Variants in RAD51B observed in about 807,000 individuals in gnomAD.
RAD51B encodes RAD51 paralog B, also known as DNA repair protein RAD51 homolog 2.
A neutral mutation model predicts 42.2 loss-of-function variants in RAD51B; 38 were observed. The observed-to-expected ratio is 0.90, with a 90% CI of 0.70 to 1.18. The LOEUF is 1.18. Among genes scored for constraint, RAD51B ranks in the 50% most tolerant of loss-of-function variants. RAD51B has a pLI of 0.00. For missense variants in RAD51B, 373 were observed against 400.7 expected (o/e 0.93, Z 0.59); for synonymous variants, 154 against 145.2 (o/e 1.06, Z -0.43).
At chr14:68,117,912 T>G (rs772287700) in intron 7 of RAD51B, among the ~76,000 whole-genome samples, 7 of 152,212 alleles carry the variant, frequency 4.6e-5, no homozygotes, top group Non-Finnish European at 7.3e-5. Flanking sequence ...AAGCCATTTA[T>G]GGACTATAGA....
intron 7 of RAD51B, among the ~76,000 whole-genome samples, chr14:68,000,016 A>G (rs1314343675): frequency 6.6e-6 from 1 of 152,166 alleles, no homozygotes; most frequent in East Asian, 1.9e-4. Context: ...AAACAAACAA[A>G]AAGACAACAA....
intron 7 of RAD51B, chr14:68,000,175 ATCTTT>A (rs1176907841): frequency 6.6e-6 from 1 of 152,138 alleles, no homozygotes; most frequent in Non-Finnish European, 1.5e-5. Context: ...CTGTGGGCTG[ATCTTT>A]TCTTAACCAC....
intron 7 of RAD51B, among the ~76,000 whole-genome samples, chr14:68,047,954 T>G (rs1040240050): frequency 1.3e-5 from 2 of 152,204 alleles, no homozygotes; most frequent in Non-Finnish European, 2.9e-5. Flanking sequence ...TAGTGTTTAG[T>G]GTGTCAACAA....
At chr14:68,514,409 A>C (rs1447596658) in intron 10 of RAD51B, among the ~76,000 whole-genome samples, 3 of 152,176 alleles carry the variant, frequency 2.0e-5, no homozygotes, top group African/African-American at 7.2e-5. Context: ...CCAATGAAAC[A>C]AGTGGACAAA....
At chr14:67,841,655 C>A (rs1387124100) in intron 4 of RAD51B, among the ~76,000 whole-genome samples, 1 of 150,960 alleles carries the variant, frequency 6.6e-6, no homozygotes, top group African/African-American at 2.5e-5. Flanking sequence ...GTAATCTCAG[C>A]AGCATTTATT....
chr14:68,643,530 C>A (rs1407554346), intron 10 of RAD51B, among the ~76,000 whole-genome samples: 1 of 152,146 alleles, frequency 6.6e-6, no homozygotes, highest in Non-Finnish European at 1.5e-5. Flanking sequence ...CTAAAATAAG[C>A]AAGTGCTTTA....
chr14:68,442,435 C>CTTTTTTTTT (rs774360651), intron 9 of RAD51B, among the ~76,000 whole-genome samples: 7 of 68,424 alleles, frequency 1.0e-4, no homozygotes, highest in Non-Finnish European at 1.3e-4. Context: ...AGGCATTGTG[C>CTTTTTTTTT]TTTTTTTTTT....
Position 67,825,446 on chromosome 14 carries a change from C to A in RAD51B, c.85-18C>A. On this transcript the variant is annotated intron_variant, in intron 2 of 10. Transcript: ENST00000471583. ...GTTACACATATATGTTTAAAATACT[C>A]TCTTTATGTTTCTTTAGGACTTTTT... 6.5e-7 allele frequency: 1 copy of A among 1,544,950 alleles called. No individual in the cohort carries two copies. Among genetic ancestry groups the A allele is most frequent in the South Asian group, 1.1e-5 (1 of 87,576 alleles).
chr14:68,435,954 AT>A (rs1237462723), intron 9 of RAD51B, among the ~76,000 whole-genome samples: 1 of 151,950 alleles, frequency 6.6e-6, no homozygotes, highest in African/African-American at 2.4e-5. Context: ...GTTTGTAAAT[AT>A]TTTCTCCAAT....
chr14:68,546,607 C>T (rs1414579709), intron 10 of RAD51B, among the ~76,000 whole-genome samples: 1 of 151,878 alleles, frequency 6.6e-6, no homozygotes, highest in East Asian at 1.9e-4. Flanking sequence ...ATAAACGAAG[C>T]CAACAAAGAG....
At chr14:68,080,355 A>G (rs189792617) in intron 7 of RAD51B, among the ~76,000 whole-genome samples, 177 of 152,296 alleles carry the variant, frequency 1.2e-3, no homozygotes, top group African/African-American at 4.2e-3. Flanking sequence ...TTTTATTTAC[A>G]TTCTTTTCCT....
rs2084941424 is a variant in RAD51B at position 68,429,397 on chromosome 14, C to T, written c.957+17870C>T. Among the ~76,000 whole-genome samples the T allele has an allele frequency of 2.0e-5, 3 of 152,138 alleles. No individual in the cohort carries two copies. In the South Asian group the frequency reaches 6.2e-4, roughly 31 times the overall value. The stretch of plus-strand genomic sequence containing the variant: ...CAGTGTAAAAGTGTTCCTATTTCTC[C>T]ACATCCTCTCCAGCACCTGTTGTTT... On this transcript the variant is annotated intron_variant, in intron 9 of 10. Coordinates refer to ENST00000471583, the MANE Select transcript of RAD51B (RefSeq NM_133510.4).
chr14:67,983,876 C>T (rs1416870774), intron 7 of RAD51B, among the ~76,000 whole-genome samples: 1 of 151,118 alleles, frequency 6.6e-6, no homozygotes, highest in Non-Finnish European at 1.5e-5. Context: ...ATAAAACCAC[C>T]GAGGTCTATA....
rs137955428 is a variant in RAD51B, at chr14:68,640,639, T to C, written c.1037-10142T>C. Among the ~76,000 whole-genome samples the C allele has an allele frequency of 1.4e-3, 213 of 152,324 alleles. 2 individuals carry two copies. The highest frequency in any genetic ancestry group is 5.0e-3 in the African/African-American group (206 of 41,568). ...ATAAATGCAATGATAGTAGTATTTT[T>C]AGAAGAGGGAGACTCAGCCCTAGTT... is the stretch of plus-strand genomic sequence containing the variant. On this transcript the variant is annotated intron_variant, in intron 10 of 11. Transcript: ENST00000488612.
chr14:68,228,552 T>C (rs959210487), intron 7 of RAD51B, among the ~76,000 whole-genome samples: 9 of 152,212 alleles, frequency 5.9e-5, no homozygotes, highest in Non-Finnish European at 1.3e-4. Flanking sequence ...TGATTTTTTT[T>C]TAAAAGAACT....
chr14:68,666,358 C>T (rs1342623955), intron 11 of RAD51B, among the ~76,000 whole-genome samples: 1 of 152,178 alleles, frequency 6.6e-6, no homozygotes, highest in East Asian at 1.9e-4. Flanking sequence ...AACCAAAGAG[C>T]CGTAGTTTAC....
downstream of RAD51B, among the ~76,000 whole-genome samples, chr14:68,479,801 T>G (rs986315420): frequency 2.1e-4 from 31 of 150,420 alleles, no homozygotes; most frequent in Non-Finnish European, 1.5e-5. Flanking sequence ...CCGAAGTAGC[T>G]GGGACCACAG....
intron 4 of RAD51B, among the ~76,000 whole-genome samples, chr14:67,862,902 A>G (rs2042208678): frequency 6.6e-6 from 1 of 152,032 alleles, no homozygotes; most frequent in Non-Finnish European, 1.5e-5. Flanking sequence ...TTTATACTCT[A>G]TAGGACATAT....
intron 8 of RAD51B, among the ~76,000 whole-genome samples, chr14:68,326,038 CTTTT>C (rs763428544): frequency 3.5e-4 from 28 of 80,464 alleles, no homozygotes; most frequent in Admixed American, 7.8e-4. Flanking sequence ...TTTTTCTTTT[CTTTT>C]TTTTTTTTTT....
Sources: allele counts gnomAD v4.1 joint callset (sites outside exome capture counted in the v4.1 genomes callset), GRCh38; gene constraint gnomAD v4.1.1; transcripts MANE v1.5; gene names NCBI Gene and HGNC (gene_info 2026-07-23, HGNC 2026-07-21).